ZNF423: variants seen among roughly 807,000 people sequenced by gnomAD.
ZNF423 encodes the protein Ebf-associated zinc finger protein.
In ZNF423, 12 loss-of-function variants were observed where a neutral mutation model predicts 95.8. The ratio of observed to expected loss-of-function variants is 0.13; its 90% CI spans 0.08 to 0.20. The LOEUF is 0.20. Among genes scored for constraint, ZNF423 ranks in the 10% least tolerant of loss-of-function variants. The pLI is 1.00. For synonymous variants in ZNF423, 749 were observed against 711.9 expected, an observed-to-expected ratio of 1.05 and a Z score of -0.83; for missense variants, 1,316 against 1,737.1, an observed-to-expected ratio of 0.76 and a Z score of 4.31.
At chr16:49,804,498 G>A (rs995874784) in intron 1 of ZNF423, among the ~76,000 whole-genome samples, 5 of 152,086 alleles carry the variant, frequency 3.3e-5, no homozygotes, top group Admixed American at 6.5e-5. Flanking sequence ...CCTGGGATCC[G>A]GCTTATGAGG....
intron 1 of ZNF423, among the ~76,000 whole-genome samples, chr16:49,840,739 ACT>A (rs2035174210): frequency 6.6e-6 from 1 of 151,684 alleles, no homozygotes; most frequent in African/African-American, 2.4e-5. Context: ...GTACACACAG[ACT>A]CACACACATG....
rs199536152 is a variant in ZNF423 at position 49,636,155 on chromosome 16, G to A, written c.3021C>T (p.Ser1007=). The change falls in exon 4 of 8, where the codon AGC becomes AGT. Residue 1007 remains serine (S), a synonymous_variant. Transcript: ENST00000563137. This position sits in a 1 kb window ranked among gnomAD's most constrained non-coding sequence, Gnocchi z 8.6. ...GGCAGTGCTCAATAAACTCCTCCTCGCTCTGCAGGGGCATCTTGCAGATGC... is the reference window on the plus strand; with the variant it reads ...GGCAGTGCTCAATAAACTCCTCCTCACTCTGCAGGGGCATCTTGCAGATGC... ...TCRICKMPLQ[S]EEEFIEHCQM... 76 of 1,613,692 alleles carry A rather than the reference G, an allele frequency of 4.7e-5. No individual in the cohort carries two copies. The highest frequency in any genetic ancestry group is 1.6e-4 in the Middle Eastern group (1 of 6,062).
Position 49,576,103 on chromosome 16 carries a change from A to G in ZNF423, c.3601+50067T>C, listed in dbSNP as rs564171598. The stretch of plus-strand genomic sequence containing the variant: ...GTTCATCCCGTTTCTCAAACTCCAT[A>G]CCCAGACATGGAACCAGAAGTTTCC... On this transcript the variant is annotated intron_variant, in intron 5 of 7. Coordinates refer to ENST00000563137, the MANE Select transcript of ZNF423 (RefSeq NM_001379286.1). Among the ~76,000 whole-genome samples, 34 of 152,250 alleles carry G rather than the reference A, an allele frequency of 2.2e-4. 1 individual carries two copies. In the South Asian group the frequency reaches 5.2e-3, roughly 23 times the overall value.
rs190978781 is a variant in ZNF423, at chr16:49,783,884, C to G, written c.100+5603G>C. On this transcript the variant is annotated intron_variant, in intron 2 of 7. Coordinates refer to ENST00000563137, the MANE Select transcript of ZNF423 (RefSeq NM_001379286.1). ...ACTCGGGAGGCTGAGGCAGGAGAAT[C>G]GTTTGAACCTGGGAGGTGGAGGTTG... 1.1e-4 allele frequency among the ~76,000 whole-genome samples: 16 copies of G among 150,820 alleles called. No individual in the cohort carries two copies. The East Asian group carries it at 3.1e-3, about 29-fold the overall frequency.
At position 49,697,526 on chromosome 16, in the gene ZNF423, G is replaced by A. The variant is rs146206723; in HGVS notation, c.301+33245C>T. On this transcript the variant is annotated intron_variant, in intron 3 of 7. Coordinates refer to ENST00000563137, the MANE Select transcript of ZNF423 (RefSeq NM_001379286.1). ...AATTTCCAGTTATTTGGAGGCCTGC[G>A]TCTCGTATGCCAGACTGACACGCAG... Among the ~76,000 whole-genome samples the A allele has an allele frequency of 8.1e-4, 123 of 151,554 alleles. 2 individuals are homozygous for A. The highest frequency in any genetic ancestry group is 2.9e-3 in the African/African-American group (118 of 41,326).
chr16:49,856,206 T>C (rs1187136016), upstream of ZNF423: 1 of 62,528 alleles, frequency 1.6e-5, no homozygotes, highest in Non-Finnish European at 3.1e-5. Context: ...CCTCCTTCCC[T>C]CCCCCACCCT....
intron 2 of ZNF423, among the ~76,000 whole-genome samples, chr16:49,779,652 C>T (rs892626155): frequency 6.6e-6 from 1 of 152,074 alleles, no homozygotes; most frequent in African/African-American, 2.4e-5. Flanking sequence ...CCCCACACAC[C>T]CCAACCCACA....
chr16:49,575,369 C>T (rs1216874359), intron 5 of ZNF423, among the ~76,000 whole-genome samples: 2 of 152,148 alleles, frequency 1.3e-5, no homozygotes, highest in East Asian at 1.9e-4. Flanking sequence ...CTCCACTAAA[C>T]AAGCCCAACG....
At chr16:49,502,197 A>G (rs1967433312) in intron 7 of ZNF423, among the ~76,000 whole-genome samples, 1 of 152,188 alleles carries the variant, frequency 6.6e-6, no homozygotes. Context: ...AGACACCCTG[A>G]AGTGAGGTGG....
At chr16:49,537,155 T>A (rs1313287991) in intron 5 of ZNF423, among the ~76,000 whole-genome samples, 3 of 152,184 alleles carry the variant, frequency 2.0e-5, no homozygotes, top group Non-Finnish European at 4.4e-5. Context: ...GGTAAGAATA[T>A]GACGAACACA....
intron 1 of ZNF423, among the ~76,000 whole-genome samples, chr16:49,846,134 T>A (rs757797417): frequency 5.9e-5 from 9 of 151,798 alleles, no homozygotes; most frequent in Non-Finnish European, 1.3e-4. Context: ...AAACTCCATC[T>A]CTAATAAAAA....
At chr16:49,831,842 A>G (rs1164713625) in intron 1 of ZNF423, among the ~76,000 whole-genome samples, 1 of 151,992 alleles carries the variant, frequency 6.6e-6, no homozygotes, top group Non-Finnish European at 1.5e-5. Context: ...AAAAAAAAGT[A>G]CAAAAAAAAT....
intron 1 of ZNF423, among the ~76,000 whole-genome samples, chr16:49,836,177 G>A (rs2035117816): frequency 6.6e-6 from 1 of 152,202 alleles, no homozygotes; most frequent in South Asian, 2.1e-4. Flanking sequence ...GAACAGAGGT[G>A]CTGGCCTAGT....
At chr16:49,555,926 C>T (rs1360930842) in intron 5 of ZNF423, among the ~76,000 whole-genome samples, 2 of 152,036 alleles carry the variant, frequency 1.3e-5, no homozygotes, top group African/African-American at 4.8e-5. Flanking sequence ...TGTGTCAGTC[C>T]AGATCTGCCT....
intron 7 of ZNF423, among the ~76,000 whole-genome samples, chr16:49,514,219 C>CACGCACAT (rs1968032853): frequency 1.3e-5 from 2 of 149,332 alleles, no homozygotes; most frequent in African/African-American, 5.0e-5. Flanking sequence ...CACATGCACA[C>CACGCACAT]GCACATGCGT....
chr16:49,645,552 C>T (rs1567529498), intron 3 of ZNF423, among the ~76,000 whole-genome samples: 1 of 152,220 alleles, frequency 6.6e-6, no homozygotes, highest in Non-Finnish European at 1.5e-5. Flanking sequence ...AGATGCTTTT[C>T]AGGTTTCCTC....
intron 3 of ZNF423, among the ~76,000 whole-genome samples, chr16:49,696,904 C>T (rs1037254174): frequency 6.6e-6 from 1 of 152,226 alleles, no homozygotes; most frequent in Non-Finnish European, 1.5e-5. Flanking sequence ...AGAGCGCTTT[C>T]AGGAGGGGGG....
chr16:49,674,430 C>T (rs547434488), intron 3 of ZNF423, among the ~76,000 whole-genome samples: 16 of 152,204 alleles, frequency 1.1e-4, no homozygotes, highest in African/African-American at 3.4e-4. Flanking sequence ...GATGTGTACA[C>T]GGTGCGTCAT....
chr16:49,620,437 T>C (rs1334433777), intron 5 of ZNF423, among the ~76,000 whole-genome samples: 2 of 152,074 alleles, frequency 1.3e-5, no homozygotes, highest in African/African-American at 4.8e-5. Flanking sequence ...TATTTGCCCC[T>C]GACAGCAGAG....
Sources: gnomAD v4.1 joint callset for allele counts (sites outside exome capture counted in the v4.1 genomes callset) on GRCh38, gnomAD v4.1.1 for gene constraint, Gnocchi (gnomAD v3.1) non-coding constraint, MANE v1.5 for transcripts, NCBI Gene and HGNC (gene_info 2026-07-23, HGNC 2026-07-21) for gene names.